Variants in HRH2 observed in about 807,000 individuals in gnomAD.
HRH2 encodes the protein histamine H2 receptor.
HRH2 carries 4 observed loss-of-function variants against 20.1 expected under a neutral mutation model. The ratio of observed to expected loss-of-function variants is 0.20; its 90% CI spans 0.10 to 0.45. HRH2 has a LOEUF of 0.45. Among genes scored for constraint, HRH2 ranks in the 20% least tolerant of loss-of-function variants. The pLI is 0.99. For synonymous variants in HRH2, 197 were observed against 200.7 expected (o/e 0.98, Z 0.16); for missense variants, 250 against 461.6 (o/e 0.54, Z 4.20).
chr5:175,683,241 C>T lies in HRH2; in HGVS notation c.8C>T (p.Pro3Leu). The T allele has an allele frequency of 1.2e-6, 2 of 1,613,420 alleles. No individual in the cohort carries two copies. The highest frequency in any genetic ancestry group is 8.5e-7 in the Non-Finnish European group (1 of 1,179,422). ...GAGCCGTAGAGTCCCAGGATGGCAC[C>T]CAATGGCACAGCCTCTTCCTTTTGC... MA[P>L]NGTASSFCLD... Residue 3 changes from proline (P) to leucine (L), a missense_variant, in exon 2 of 3, where the codon CCC becomes CTC. Physicochemically the swap from Pro to Leu is moderately conservative, Grantham distance 98. This residue lies in a region of HRH2 where 24 missense variants were observed against 22.9 expected (regional missense o/e 1.05). Transcript: ENST00000636584.
Position 175,677,990 on chromosome 5 carries a change from C to G in HRH2, c.-525-4719C>G, listed in dbSNP as rs190544925. Among the ~76,000 whole-genome samples, 554 of 152,354 alleles carry G rather than the reference C, an allele frequency of 3.6e-3. 2 individuals carry two copies. The highest frequency in any genetic ancestry group is 0.013 in the African/African-American group (534 of 41,574). On this transcript the variant is annotated intron_variant, in intron 1 of 2. Coordinates refer to ENST00000636584, the MANE Select transcript of HRH2 (RefSeq NM_001367711.1). The surrounding 1 kb of genome is among the most constrained non-coding windows in gnomAD (Gnocchi z 4.2). ...GCTGTTCTCTCTGGAATCAGCTGGT[C>G]CCATGTTCACCCAGTTACCTTGTTC...
Position 175,707,889 on chromosome 5 carries a change from T to C in HRH2, c.1187T>C (p.Leu396Pro), listed in dbSNP as rs1756994942. The C allele has an allele frequency of 1.0e-5, 4 of 399,036 alleles. No homozygotes were observed. The highest frequency in any genetic ancestry group is 1.8e-5 in the Non-Finnish European group (4 of 226,204). The allele number at this position is 399,036 out of a possible 1,614,324, so 24.7% of individuals were successfully genotyped here. A position where few individuals can be genotyped will look rare whatever the true frequency, so the allele number is the denominator to read the frequency against. ...QRHMGGPSEE[L>P]SGEPLSEEPQ... is the part of the protein sequence containing the mutation. ...CACATGGGAGGCCCCTCGGAGGAGC[T>C]ATCGGGGGAGCCACTGTCTGAGGAG... Residue 396 changes from leucine to proline, a missense_variant, in exon 3 of 3, where the codon CTA (leucine) becomes CCA (proline). By Grantham distance (98) the Leu-to-Pro change is moderately conservative (BLOSUM62 -3). Transcript: ENST00000636584.
At chr5:175,658,588 G>A (rs911896834) in intron 1 of HRH2, among the ~76,000 whole-genome samples, 1 of 152,158 alleles carries the variant, frequency 6.6e-6, no homozygotes, top group African/African-American at 2.4e-5. Context: ...GTGTCTGTCG[G>A]AGCATGGAGC....
intron 1 of HRH2, among the ~76,000 whole-genome samples, chr5:175,669,368 T>C (rs1422969744): frequency 2.7e-5 from 4 of 149,806 alleles, no homozygotes; most frequent in Non-Finnish European, 4.5e-5. Flanking sequence ...TTCTTTCTTT[T>C]TTTTTTTTTT....
At chr5:175,685,085 A>G (rs1471547590) in intron 2 of HRH2, among the ~76,000 whole-genome samples, 3 of 152,188 alleles carry the variant, frequency 2.0e-5, no homozygotes, top group Non-Finnish European at 4.4e-5. Context: ...CATAGATCTT[A>G]AAAGCTTGCA....
chr5:175,699,734 C>T (rs562546378), intron 2 of HRH2, among the ~76,000 whole-genome samples: 5 of 152,166 alleles, frequency 3.3e-5, no homozygotes, highest in East Asian at 1.9e-4. Flanking sequence ...CCACCACGCC[C>T]GGCTAATTTT....
At chr5:175,660,424 T>C (rs1762706827) in intron 1 of HRH2, among the ~76,000 whole-genome samples, 1 of 152,168 alleles carries the variant, frequency 6.6e-6, no homozygotes, top group African/African-American at 2.4e-5. Flanking sequence ...TTGAGAGTTT[T>C]TAATGAATGG....
chr5:175,708,077 G>A lies in HRH2; in HGVS notation c.*106G>A, dbSNP rs1247639232. ...AGCCACCAAGGACTCACCCTGGACTGAATCTGGGGGCTCCCAGAACACACA... is the reference window on the plus strand; with the variant it reads ...AGCCACCAAGGACTCACCCTGGACTAAATCTGGGGGCTCCCAGAACACACA... On this transcript the variant is annotated 3_prime_UTR_variant, in exon 3 of 3. Transcript: ENST00000636584. The A allele has an allele frequency of 7.5e-6, 3 of 397,988 alleles. No homozygotes were observed. Among genetic ancestry groups the A allele is most frequent in the Non-Finnish European group, 1.3e-5 (3 of 225,998 alleles). 24.7% of individuals were successfully genotyped at this position (397,988 alleles called of 1,614,324 possible).
At chr5:175,679,840 T>C (rs1372276909) in intron 1 of HRH2, among the ~76,000 whole-genome samples, 1 of 152,164 alleles carries the variant, frequency 6.6e-6, no homozygotes, top group African/African-American at 2.4e-5. Flanking sequence ...TGAGACCCTG[T>C]TGGAAAGACA....
At chr5:175,669,120 C>G (rs1412122590) in intron 1 of HRH2, among the ~76,000 whole-genome samples, 2 of 152,060 alleles carry the variant, frequency 1.3e-5, no homozygotes, top group African/African-American at 4.8e-5. Context: ...GCTGGGATTA[C>G]AGGCCTGAGC....
At chr5:175,676,662 C>A (rs1755771924) in intron 1 of HRH2, among the ~76,000 whole-genome samples, 2 of 152,202 alleles carry the variant, frequency 1.3e-5, no homozygotes, top group African/African-American at 4.8e-5. Context: ...GCATAGTGGT[C>A]AAGGCTTATC....
Position 175,683,652 on chromosome 5 carries a change from T to C in HRH2, c.419T>C (p.Val140Ala), listed in dbSNP as rs1406510133. 2 of 1,614,008 alleles carry C rather than the reference T, an allele frequency of 1.2e-6. No individual in the cohort carries two copies. The highest frequency in any genetic ancestry group is 1.7e-6 in the Non-Finnish European group (2 of 1,180,006). ...CCAGTTCGGGTCGCCATCTCTCTGG[T>C]CTTAATTTGGGTCATCTCCATTACC... is the stretch of plus-strand genomic sequence containing the variant. The part of the protein sequence containing the change: ...VTPVRVAISL[V>A]LIWVISITLS... The change falls in exon 2 of 3, where the codon GTC (valine) becomes GCC (alanine). Residue 140 changes from valine (V) to alanine (A), a missense_variant. This residue lies in a region of HRH2 where 86 missense variants were observed against 176.4 expected (regional missense o/e 0.49). Coordinates refer to ENST00000636584, the MANE Select transcript of HRH2 (RefSeq NM_001367711.1).
intron 1 of HRH2, among the ~76,000 whole-genome samples, chr5:175,663,569 C>T (rs895133619): frequency 6.6e-6 from 1 of 152,206 alleles, no homozygotes; most frequent in Non-Finnish European, 1.5e-5. Context: ...CTCCATCAGG[C>T]CCTGCCCGTG....
In HRH2 at chr5:175,681,755, C is replaced by G. The variant is rs1755983695; in HGVS notation, c.-525-954C>G. On this transcript the variant is annotated intron_variant, in intron 1 of 2. Coordinates refer to ENST00000636584, the MANE Select transcript of HRH2 (RefSeq NM_001367711.1). This position sits in a 1 kb window ranked among gnomAD's most constrained non-coding sequence, Gnocchi z 4.3. ...GGTGATGTGGGGATGATAGGATAAA[C>G]CTATTCATGGTGAGCCTCCCCACAG... Among the ~76,000 whole-genome samples the G allele has an allele frequency of 1.3e-5, 2 of 152,120 alleles. No individual in the cohort carries two copies. The highest frequency in any genetic ancestry group is 6.5e-5 in the Admixed American group (1 of 15,282).
chr5:175,697,407 G>A (rs1296008343), intron 2 of HRH2, among the ~76,000 whole-genome samples: 2 of 150,090 alleles, frequency 1.3e-5, no homozygotes, highest in Non-Finnish European at 3.0e-5. Flanking sequence ...AGCTTGCAGT[G>A]AGCCGGGATA....
chr5:175,683,162 A>C lies in HRH2; in HGVS notation c.-72A>C, dbSNP rs1000810480. On this transcript the variant is annotated 5_prime_UTR_variant, in exon 2 of 3. Coordinates refer to ENST00000636584, the MANE Select transcript of HRH2 (RefSeq NM_001367711.1). The stretch of plus-strand genomic sequence containing the variant: ...GAGCTTGGAGTCCAGTGGTTGGCAT[A>C]GTTGTCACATTGGGAGCAGAGAAGA... 2.9e-5 allele frequency: 45 copies of C among 1,533,816 alleles called. No homozygotes were observed. Among genetic ancestry groups the C allele is most frequent in the Non-Finnish European group, 3.9e-5 (44 of 1,139,398 alleles).
intron 2 of HRH2, among the ~76,000 whole-genome samples, chr5:175,700,571 G>A (rs80134750): frequency 0.016 from 2,410 of 152,206 alleles, 69 homozygotes; most frequent in African/African-American, 0.055. Flanking sequence ...GCCCAGAGGA[G>A]ATGATACTGA....
chr5:175,705,170 C>T (rs1756905740), intron 2 of HRH2, among the ~76,000 whole-genome samples: 1 of 152,126 alleles, frequency 6.6e-6, no homozygotes. Flanking sequence ...ACAGTGTTCT[C>T]ATAGAAATGG....
intron 1 of HRH2, among the ~76,000 whole-genome samples, chr5:175,663,281 T>C (rs895176951): frequency 6.6e-6 from 1 of 152,198 alleles, no homozygotes; most frequent in Admixed American, 6.5e-5. Flanking sequence ...CTGTCTTACA[T>C]TCCCACCAGC....
Sources: allele counts gnomAD v4.1 joint callset (sites outside exome capture counted in the v4.1 genomes callset), GRCh38; gene constraint gnomAD v4.1.1; regional missense constraint gnomAD v4.1.1; non-coding constraint Gnocchi (gnomAD v3.1); transcripts MANE v1.5; gene names NCBI Gene and HGNC (gene_info 2026-07-23, HGNC 2026-07-21).